The following RAB23 variants were observed in gnomAD, a reference collection of about 807,000 sequenced individuals.
RAB23 encodes RAB23, member RAS oncogene family, also known as ras-related protein Rab-23.
A neutral mutation model predicts 30.0 loss-of-function variants in RAB23; 15 were observed. The observed-to-expected ratio is 0.50, with a 90% CI of 0.33 to 0.77. The LOEUF (loss-of-function observed/expected upper bound fraction) is 0.77, where lower values mean the gene tolerates loss of function less well. Ranked by LOEUF, RAB23 falls within the 30% of genes least tolerant of loss-of-function variation. RAB23 has a pLI of 0.02. For synonymous variants in RAB23, 93 were observed against 94.0 expected (o/e 0.99, Z 0.06); for missense variants, 243 against 275.4 (o/e 0.88, Z 0.83).
intron 6 of RAB23, 22 bp from the exon 7 acceptor site, chr6:57,190,622 A>G (rs754186691): frequency 1.2e-6 from 2 of 1,613,508 alleles, no homozygotes; most frequent in Non-Finnish European, 1.7e-6. Flanking sequence ...GAGGGAAAAG[A>G]GTGATTGCCA....
intron 1 of RAB23, among the ~76,000 whole-genome samples, chr6:57,221,056 C>T (rs1014718336): frequency 6.6e-6 from 1 of 151,668 alleles, no homozygotes; most frequent in African/African-American, 2.4e-5. Context: ...ATACCCTTTC[C>T]CCAAAACTTT....
At position 57,222,256 on chromosome 6, in the gene RAB23, G is replaced by C. The variant is rs901169529; in HGVS notation, c.-596C>G. The C allele has an allele frequency of 6.6e-6, 1 of 152,590 alleles. No individual in the cohort carries two copies. The highest frequency in any genetic ancestry group is 1.5e-5 in the Non-Finnish European group (1 of 68,348). 9.5% of individuals were successfully genotyped at this position (152,590 alleles called of 1,614,324 possible). A position where few individuals can be genotyped will look rare whatever the true frequency, so the allele number is the denominator to read the frequency against. The stretch of plus-strand genomic sequence containing the variant: ...CAGCAGCTCCGCCGGGGGTGGTGGG[G>C]CGCGGGAGTCTCGACTCCCCTCATC... On this transcript the variant is annotated 5_prime_UTR_variant, in exon 1 of 7. Coordinates refer to ENST00000468148, the MANE Select transcript of RAB23 (RefSeq NM_016277.5).
intron 2 of RAB23, among the ~76,000 whole-genome samples, chr6:57,209,003 G>C (rs1268360733): frequency 6.6e-6 from 1 of 152,072 alleles, no homozygotes; most frequent in East Asian, 1.9e-4. Flanking sequence ...TTTCTGTAAG[G>C]CACATCATAG....
At chr6:57,196,352 A>G in intron 4 of RAB23, 98 bp downstream of exon 4, 1 of 1,392,378 alleles carries the variant, frequency 7.2e-7, no homozygotes, top group Non-Finnish European at 1.0e-6. Context: ...AAATGAAAGT[A>G]TAGAATTTTT....
At chr6:57,216,538 G>A (rs1172766394) in intron 1 of RAB23, among the ~76,000 whole-genome samples, 12 of 152,198 alleles carry the variant, frequency 7.9e-5, no homozygotes, top group Admixed American at 5.2e-4. Context: ...CAAAACTGGA[G>A]TTCAGCCCAG....
In RAB23 at chr6:57,207,692, T is replaced by C; in HGVS notation, c.177A>G (p.Arg59=). The change falls in exon 3 of 7, where the codon AGA becomes AGG. Residue 59 remains arginine, a synonymous_variant. Coordinates refer to ENST00000468148, the MANE Select transcript of RAB23 (RefSeq NM_016277.5). The part of the protein sequence containing the change: ...RQIQVNDEDV[R]LMLWDTAGQE... ...GACCTGCAGTGTCCCATAACATTAGTCTGACATCTTCATCATTAACTCTAA... is the reference window on the plus strand; with the variant it reads ...GACCTGCAGTGTCCCATAACATTAGCCTGACATCTTCATCATTAACTCTAA... 1 of 1,600,704 alleles carries C rather than the reference T, an allele frequency of 6.2e-7. No homozygotes were observed. Among genetic ancestry groups the C allele is most frequent in the East Asian group, 2.2e-5 (1 of 44,738 alleles).
intron 6 of RAB23, among the ~76,000 whole-genome samples, chr6:57,192,596 T>C (rs1351225496): frequency 6.6e-6 from 1 of 152,088 alleles, no homozygotes; most frequent in Non-Finnish European, 1.5e-5. Context: ...GTCTATTCTT[T>C]TAGAAGATGG....
intron 3 of RAB23, among the ~76,000 whole-genome samples, chr6:57,197,722 C>A (rs1292800664): frequency 1.3e-5 from 2 of 152,052 alleles, no homozygotes; most frequent in African/African-American, 4.8e-5. Context: ...ATCTTCCCTA[C>A]CCTAAAAACA....
intron 3 of RAB23, among the ~76,000 whole-genome samples, chr6:57,200,627 A>C (rs947598860): frequency 6.6e-6 from 1 of 150,832 alleles, no homozygotes; most frequent in African/African-American, 2.4e-5. Context: ...AGGATGGATG[A>C]GGGTGCTATC....
At chr6:57,203,184 T>G (rs998486358) in intron 3 of RAB23, among the ~76,000 whole-genome samples, 1 of 152,078 alleles carries the variant, frequency 6.6e-6, no homozygotes, top group African/African-American at 2.4e-5. Flanking sequence ...TTTTGTATTT[T>G]TAGTAGAGAC....
intron 1 of RAB23, among the ~76,000 whole-genome samples, chr6:57,214,678 C>T (rs1254648317): frequency 6.6e-6 from 1 of 152,110 alleles, no homozygotes; most frequent in African/African-American, 2.4e-5. Context: ...GGTAGTGCCC[C>T]ACCCTTCCTG....
chr6:57,195,449 C>T (rs1469700420), intron 4 of RAB23, among the ~76,000 whole-genome samples: 1 of 152,200 alleles, frequency 6.6e-6, no homozygotes, highest in Non-Finnish European at 1.5e-5. Context: ...GCCCCATAGG[C>T]TCCCGCTATT....
At chr6:57,198,032 T>A (rs565525736) in intron 3 of RAB23, among the ~76,000 whole-genome samples, 1 of 152,244 alleles carries the variant, frequency 6.6e-6, no homozygotes, top group African/African-American at 2.4e-5. Context: ...TGCCTCAGCC[T>A]CCCAAAGTGC....
intron 1 of RAB23, among the ~76,000 whole-genome samples, chr6:57,215,860 T>C (rs1765816680): frequency 6.6e-6 from 1 of 152,148 alleles, no homozygotes; most frequent in African/African-American, 2.4e-5. Context: ...AAGACAATTA[T>C]AAATGGGGAA....
At chr6:57,194,690 A>G (rs1764955988) in intron 5 of RAB23, 80 bp downstream of exon 5, 1 of 1,057,844 alleles carries the variant, frequency 9.5e-7, no homozygotes, top group Non-Finnish European at 1.4e-6. Flanking sequence ...CGTTATAAAT[A>G]TAATTTCTAA....
intron 4 of RAB23, 32 bp downstream of exon 4, chr6:57,196,418 T>C (rs760434111): frequency 2.8e-5 from 45 of 1,612,448 alleles, no homozygotes; most frequent in Non-Finnish European, 3.8e-5. Context: ...ATAGAATTAC[T>C]GTCCCTCCTT....
chr6:57,201,083 TCTC>T (rs1417702987), intron 3 of RAB23, among the ~76,000 whole-genome samples: 28 of 140,972 alleles, frequency 2.0e-4, no homozygotes, highest in Admixed American at 8.8e-4. Context: ...ATTTTCTCTC[TCTC>T]TTTTTTTTTT....
intron 6 of RAB23, among the ~76,000 whole-genome samples, chr6:57,191,638 C>T (rs563042929): frequency 3.3e-5 from 5 of 152,006 alleles, no homozygotes; most frequent in South Asian, 2.1e-4. Flanking sequence ...TTAGTAGAGA[C>T]GGGCTTTCAC....
In RAB23 at chr6:57,188,409, A is replaced by AACT. The variant is rs1491474257; in HGVS notation, c.*2049_*2051dup. ...CATAAAATTATATTACAGGAACTGT[A>AACT]ACTATCCTCAGAGATTACTTTTTTT... On this transcript the variant is annotated 3_prime_UTR_variant, in exon 7 of 7. Transcript: ENST00000468148. The AACT allele has an allele frequency of 6.6e-6, 1 of 152,216 alleles. No homozygotes were observed. The highest frequency in any genetic ancestry group is 2.4e-5 in the African/African-American group (1 of 41,474). The allele number at this position is 152,216 out of a possible 1,614,324, so 9.4% of individuals were successfully genotyped here. A position where few individuals can be genotyped will look rare whatever the true frequency, so the allele number is the denominator to read the frequency against.
Sources: gnomAD v4.1 joint callset for allele counts (sites outside exome capture counted in the v4.1 genomes callset) on GRCh38, gnomAD v4.1.1 for gene constraint, MANE v1.5 for transcripts, NCBI Gene and HGNC (gene_info 2026-07-23, HGNC 2026-07-21) for gene names.